The following NUP214 variants were observed in gnomAD, a reference collection of about 807,000 sequenced individuals.
NUP214 encodes nuclear pore complex protein Nup214.
NUP214 carries 79 observed loss-of-function variants against 196.2 expected under a neutral mutation model. That is an observed-to-expected ratio of 0.40 (90% CI 0.34 to 0.49). NUP214 has a LOEUF of 0.49. Among genes scored for constraint, NUP214 ranks in the 20% least tolerant of loss-of-function variants. The probability of loss-of-function intolerance (pLI) is 0.58; values close to 1 mark genes in which losing one functional copy is unlikely to be tolerated. For missense variants in NUP214, 2,468 were observed against 2,539.0 expected (o/e 0.97, Z 0.60); for synonymous variants, 1,020 against 990.5 (o/e 1.03, Z -0.56).
chr9:131,214,466 C>G (rs12350977), intron 30 of NUP214, among the ~76,000 whole-genome samples: 1 of 152,252 alleles, frequency 6.6e-6, no homozygotes. Context: ...GGCCCCTTTC[C>G]AAAGTCCATC....
chr9:131,213,751 C>CTGTTGTTAT (rs1834313207), intron 30 of NUP214, among the ~76,000 whole-genome samples: 1 of 147,532 alleles, frequency 6.8e-6, no homozygotes, highest in Non-Finnish European at 1.5e-5. Context: ...TGAATTGGTA[C>CTGTTGTTAT]TGTTGTTGTT....
chr9:131,197,106 A>G, intron 28 of NUP214, 110 bp from the exon 29 acceptor site: 2 of 1,458,764 alleles, frequency 1.4e-6, no homozygotes, highest in Non-Finnish European at 9.3e-7. Flanking sequence ...AGGCACCCTG[A>G]CTCTGTAGAG....
chr9:131,135,917 G>A, intron 8 of NUP214, 23 bp from the exon 9 acceptor site: 1 of 1,606,212 alleles, frequency 6.2e-7, no homozygotes, highest in South Asian at 1.1e-5. Context: ...TGAACGTAAT[G>A]GTCTCTGGTT....
At chr9:131,184,268 T>C (rs1833385904) in intron 24 of NUP214, among the ~76,000 whole-genome samples, 1 of 151,640 alleles carries the variant, frequency 6.6e-6, no homozygotes, top group African/African-American at 2.4e-5. Flanking sequence ...TGACCTCAGA[T>C]GATCCACCCA....
chr9:131,193,629 CTT>C lies in NUP214; in HGVS notation c.3659+1369_3659+1370del, dbSNP rs71389402. Among the ~76,000 whole-genome samples, 13 of 28,216 alleles carry C rather than the reference CTT, an allele frequency of 4.6e-4. No homozygotes were observed. In the East Asian group the frequency reaches 7.2e-3, roughly 16 times the overall value. 18.5% of individuals were successfully genotyped at this position (28,216 alleles called of 152,430 possible). ...GTGAAATGATATTCTTCTTCCTTTT[CTT>C]TTTTTTTTTTTTTTTTTTTTTTTTT... On this transcript the variant is annotated intron_variant, in intron 27 of 35. Coordinates refer to ENST00000359428, the MANE Select transcript of NUP214 (RefSeq NM_005085.4).
At chr9:131,162,849 A>G (rs1832680803) in intron 18 of NUP214, 142 bp from the exon 19 acceptor site, 1 of 769,948 alleles carries the variant, frequency 1.3e-6, no homozygotes, top group Non-Finnish European at 2.1e-6. Flanking sequence ...TTTTCTAGTA[A>G]TTTCTTAATG....
At chr9:131,193,254 CTG>C (rs1363003513) in intron 27 of NUP214, among the ~76,000 whole-genome samples, 1 of 152,114 alleles carries the variant, frequency 6.6e-6, no homozygotes, top group African/African-American at 2.4e-5. Flanking sequence ...GGGTTAGACT[CTG>C]TGGAACTGAG....
At chr9:131,187,191 A>G in intron 24 of NUP214, 98 bp from the exon 25 acceptor site, 1 of 999,994 alleles carries the variant, frequency 1.0e-6, no homozygotes, top group Non-Finnish European at 1.6e-6. Flanking sequence ...CCTACCCAAA[A>G]CTGGTATTGT....
Position 131,178,383 on chromosome 9 carries a change from A to AC in NUP214, c.3395dup (p.Ala1133CysfsTer29). 6.2e-7 allele frequency: 1 copy of AC among 1,613,568 alleles called. No individual in the cohort carries two copies. Among genetic ancestry groups the AC allele is most frequent in the South Asian group, 1.1e-5 (1 of 91,044 alleles). ...GTAAATGTGCAGGAATTGAAGAATAACCCTGCAACCCCTTCTACAGCCATG... is the reference window on the plus strand; with the variant it reads ...GTAAATGTGCAGGAATTGAAGAATAACCCCTGCAACCCCTTCTACAGCCATG... On this transcript the variant is annotated frameshift_variant, in exon 24 of 36. Coordinates refer to ENST00000359428, the MANE Select transcript of NUP214 (RefSeq NM_005085.4). LOFTEE classifies it high-confidence loss of function.
intron 31 of NUP214, among the ~76,000 whole-genome samples, chr9:131,219,269 A>T (rs1564217367): frequency 6.6e-6 from 1 of 152,224 alleles, no homozygotes; most frequent in Non-Finnish European, 1.5e-5. Flanking sequence ...CGTAGCCAGG[A>T]TTTAGTCCAG....
intron 9 of NUP214, 127 bp downstream of exon 9, chr9:131,136,133 C>G: frequency 1.4e-6 from 1 of 700,226 alleles, no homozygotes. Flanking sequence ...CTCTGCCTTC[C>G]AAGTTCAAGC....
intron 26 of NUP214, 34 bp from the exon 27 acceptor site, chr9:131,192,174 T>TTTTC: frequency 1.3e-6 from 1 of 754,336 alleles, no homozygotes; most frequent in East Asian, 3.1e-5. Context: ...ATATTCTTTT[T>TTTTC]TTTTTTTTTT....
At chr9:131,179,504 C>A (rs1833207197) in intron 24 of NUP214, among the ~76,000 whole-genome samples, 1 of 152,150 alleles carries the variant, frequency 6.6e-6, no homozygotes, top group African/African-American at 2.4e-5. Flanking sequence ...ACATGGGGAT[C>A]TTGAGGACTA....
At position 131,234,644 on chromosome 9, in the gene NUP214, A is replaced by G. The variant is rs754522239; in HGVS notation, c.*1157A>G. The G allele has an allele frequency of 9.0e-6, 2 of 221,118 alleles. No individual in the cohort carries two copies. The highest frequency in any genetic ancestry group is 1.8e-5 in the Non-Finnish European group (2 of 110,596). 13.7% of individuals were successfully genotyped at this position (221,118 alleles called of 1,614,324 possible). On this transcript the variant is annotated 3_prime_UTR_variant, in exon 36 of 36. Transcript: ENST00000359428. ...GTTGTATTTTTTTAATGTTTTAATA[A>G]AAGTTTGACATGACATTAATTCATC...
At position 131,192,308 on chromosome 9, in the gene NUP214, A is replaced by AAG. The variant is rs1491077308; in HGVS notation, c.3659+17_3659+18dup. The AAG allele has an allele frequency of 6.6e-7, 1 of 1,506,052 alleles. No homozygotes were observed. Among genetic ancestry groups the AAG allele is most frequent in the Admixed American group, 1.8e-5 (1 of 55,076 alleles). The allele number at this position is 1,506,052 out of a possible 1,614,324, so 93.3% of individuals were successfully genotyped here. On this transcript the variant is annotated intron_variant, in intron 27 of 35. Transcript: ENST00000359428. ...CTCCATCAGGGTCAGTAATGAACTT[A>AAG]AGTTTTATGGCAAATTACTAGCAAT...
Position 131,125,717 on chromosome 9 carries a change from A to G in NUP214, c.13A>G (p.Met5Val), listed in dbSNP as rs1180024400. 1.7e-5 allele frequency: 26 copies of G among 1,552,250 alleles called. No individual in the cohort carries two copies. Among genetic ancestry groups the G allele is most frequent in the Non-Finnish European group, 1.6e-5 (18 of 1,147,506 alleles). The change falls in exon 1 of 36, where the codon ATG (methionine) becomes GTG (valine). Residue 5 changes from methionine to valine, a missense_variant. Transcript: ENST00000359428. The surrounding 1 kb of genome is among the most constrained non-coding windows in gnomAD (Gnocchi z 4.1). ...TGAGGGCGGCGCGATGGGAGACGAG[A>G]TGGATGCCATGATTCCCGAGCGGGA... is the stretch of plus-strand genomic sequence containing the variant. MGDE[M>V]DAMIPEREMK...
rs1834959857 is a variant in NUP214 at position 131,234,472 on chromosome 9, T to C, written c.*985T>C. ...TTGAGGCCTGTAACATCCTAGATAG[T>C]TGCCATCAAACAAGGACCGTCTCGC... On this transcript the variant is annotated 3_prime_UTR_variant, in exon 36 of 36. Transcript: ENST00000359428. 4 of 231,894 alleles carry C rather than the reference T, an allele frequency of 1.7e-5. No individual in the cohort carries two copies. Among genetic ancestry groups the C allele is most frequent in the Admixed American group, 1.7e-4 (3 of 17,732 alleles). 14.4% of individuals were successfully genotyped at this position (231,894 alleles called of 1,614,324 possible). A position where few individuals can be genotyped will look rare whatever the true frequency, so the allele number is the denominator to read the frequency against.
rs71265048 is a variant in NUP214 at position 131,206,148 on chromosome 9, C to CTTTTTTTTTTT, written c.5592+4435_5592+4445dup. Among the ~76,000 whole-genome samples the CTTTTTTTTTTT allele has an allele frequency of 3.5e-3, 265 of 76,348 alleles. 46 individuals are homozygous for CTTTTTTTTTTT. Among genetic ancestry groups the CTTTTTTTTTTT allele is most frequent in the South Asian group, 0.01 (18 of 1,764 alleles). The allele number at this position is 76,348 out of a possible 152,430, so 50.1% of individuals were successfully genotyped here. A position where few individuals can be genotyped will look rare whatever the true frequency, so the allele number is the denominator to read the frequency against. ...TCCACATAGAATTTTTTTCTTTTTT[C>CTTTTTTTTTTT]TTTTTTTTTTTTTTGAGACAGGGTT... is the stretch of plus-strand genomic sequence containing the variant. On this transcript the variant is annotated intron_variant, in intron 30 of 35. Transcript: ENST00000359428.
At chr9:131,216,877 CTGTT>C (rs933078059) in intron 31 of NUP214, among the ~76,000 whole-genome samples, 4 of 152,080 alleles carry the variant, frequency 2.6e-5, no homozygotes, top group South Asian at 2.1e-4. Context: ...TGAAAGAAAT[CTGTT>C]TGTGTAGATC....
Sources: allele counts gnomAD v4.1 joint callset (sites outside exome capture counted in the v4.1 genomes callset), GRCh38; gene constraint gnomAD v4.1.1; non-coding constraint Gnocchi (gnomAD v3.1); transcripts MANE v1.5; gene names NCBI Gene and HGNC (gene_info 2026-07-23, HGNC 2026-07-21).